TAMM41: variants seen among roughly 807,000 people sequenced by gnomAD.
TAMM41 encodes phosphatidate cytidylyltransferase, mitochondrial.
A neutral mutation model predicts 44.1 loss-of-function variants in TAMM41; 36 were observed. That is an observed-to-expected ratio of 0.82 (90% confidence interval 0.63 to 1.08). TAMM41 has a LOEUF of 1.08. TAMM41 is among the 50% of genes least tolerant of loss of function. TAMM41 has a pLI of 0.00. For missense variants in TAMM41, 417 were observed against 404.3 expected (o/e 1.03, Z -0.27); for synonymous variants, 164 against 153.1 (o/e 1.07, Z -0.53).
intron 3 of TAMM41, among the ~76,000 whole-genome samples, chr3:11,834,234 C>T (rs1274584580): frequency 2.0e-5 from 3 of 151,962 alleles, no homozygotes; most frequent in African/African-American, 4.8e-5. Context: ...AACACTCTGT[C>T]TCAAAAATAA....
At chr3:11,769,415 A>G in the TAMM41 span, among the ~76,000 whole-genome samples, 1 of 148,292 alleles carries the variant, frequency 6.7e-6, no homozygotes, top group Non-Finnish European at 1.5e-5. Context: ...GAGGTTTAAG[A>G]GATCACTCAC....
chr3:11,789,600 G>C (rs1164462092), downstream of TAMM41, among the ~76,000 whole-genome samples: 1 of 152,220 alleles, frequency 6.6e-6, no homozygotes, highest in Non-Finnish European at 1.5e-5. Context: ...TCAGGCCTGA[G>C]CCTATCAGCT....
chr3:11,780,960 C>G, the TAMM41 span, among the ~76,000 whole-genome samples: 292 of 152,282 alleles, frequency 1.9e-3, 1 homozygote, highest in African/African-American at 6.6e-3. Flanking sequence ...TTTATCTTCT[C>G]TATTTGATTT....
the TAMM41 span, among the ~76,000 whole-genome samples, chr3:11,736,010 G>A: frequency 3.0e-4 from 46 of 152,230 alleles, no homozygotes; most frequent in South Asian, 9.5e-3. Context: ...AAGCAAAGGG[G>A]TTTTCTCCAA....
chr3:11,757,199 A>G, the TAMM41 span, among the ~76,000 whole-genome samples: 1 of 152,190 alleles, frequency 6.6e-6, no homozygotes, highest in Non-Finnish European at 1.5e-5. Context: ...TTCTTCTTTC[A>G]AGGAGCACGG....
At chr3:11,770,818 A>G in the TAMM41 span, among the ~76,000 whole-genome samples, 2 of 152,290 alleles carry the variant, frequency 1.3e-5, no homozygotes, top group East Asian at 3.9e-4. Flanking sequence ...AGTCTTCAAG[A>G]TAGTGAAAAC....
the TAMM41 span, among the ~76,000 whole-genome samples, chr3:11,777,843 C>T: frequency 0.19 from 28,193 of 151,754 alleles, 2,731 homozygotes; most frequent in East Asian, 0.21. Flanking sequence ...AGAGTTGTAC[C>T]GCCATCATAC....
chr3:11,772,644 C>T, the TAMM41 span, among the ~76,000 whole-genome samples: 1 of 152,088 alleles, frequency 6.6e-6, no homozygotes, highest in African/African-American at 2.4e-5. Context: ...CTGTCATAAA[C>T]ACATGAGTGC....
chr3:11,786,748 G>A (rs1363460608), downstream of TAMM41, among the ~76,000 whole-genome samples: 3 of 152,032 alleles, frequency 2.0e-5, no homozygotes, highest in African/African-American at 7.2e-5. Flanking sequence ...CTACAGGTGT[G>A]TGCTACCATA....
At chr3:11,845,307 G>A (rs191641576) in intron 1 of TAMM41, among the ~76,000 whole-genome samples, 6 of 152,290 alleles carry the variant, frequency 3.9e-5, no homozygotes, top group Admixed American at 3.3e-4. Context: ...TGAGAAAGAT[G>A]TAGGTGTTGG....
At chr3:11,734,122 A>G in the TAMM41 span, among the ~76,000 whole-genome samples, 8,824 of 152,234 alleles carry the variant, frequency 0.058, 882 homozygotes, top group African/African-American at 0.2. Flanking sequence ...GCCACTTCCC[A>G]TCACCGGCTC....
chr3:11,787,340 C>T (rs1007672045), downstream of TAMM41, among the ~76,000 whole-genome samples: 5 of 152,184 alleles, frequency 3.3e-5, no homozygotes, highest in East Asian at 1.9e-4. Context: ...TTTGAAACCG[C>T]TACAGGGAGC....
At chr3:11,730,775 G>A in the TAMM41 span, among the ~76,000 whole-genome samples, 4 of 151,978 alleles carry the variant, frequency 2.6e-5, no homozygotes, top group Non-Finnish European at 5.9e-5. Context: ...AAAAAAAATT[G>A]TATCTACCTT....
intron 4 of TAMM41, among the ~76,000 whole-genome samples, chr3:11,819,685 A>T (rs761602931): frequency 6.6e-6 from 1 of 152,202 alleles, no homozygotes; most frequent in Non-Finnish European, 1.5e-5. Context: ...GTTTGAGCTC[A>T]GGAGTTCGAG....
chr3:11,821,316 T>C (rs569663309), intron 4 of TAMM41, among the ~76,000 whole-genome samples: 89 of 152,216 alleles, frequency 5.8e-4, no homozygotes, highest in Non-Finnish European at 1.0e-3. Flanking sequence ...CCTGAGATTA[T>C]TTTCCTGCAA....
Position 11,807,366 on chromosome 3 carries a change from T to C in TAMM41, c.937+467A>G, listed in dbSNP as rs184298860. On this transcript the variant is annotated intron_variant, in intron 7 of 7. Coordinates refer to ENST00000455809, the MANE Select transcript of TAMM41 (RefSeq NM_001284401.2). ...CTAACCTCCCATAGAGAGAAGTCAA[T>C]AGATGATACCTAAAGTTGAAACGTA... 3.4e-5 allele frequency: 51 copies of C among 1,493,318 alleles called. No individual in the cohort carries two copies. In the African/African-American group the frequency reaches 6.3e-4, roughly 18 times the overall value. 92.5% of individuals were successfully genotyped at this position (1,493,318 alleles called of 1,614,324 possible). A position where few individuals can be genotyped will look rare whatever the true frequency, so the allele number is the denominator to read the frequency against.
At chr3:11,825,614 G>C (rs906137268) in intron 4 of TAMM41, among the ~76,000 whole-genome samples, 1 of 152,074 alleles carries the variant, frequency 6.6e-6, no homozygotes, top group Admixed American at 6.6e-5. Context: ...TCACTGCTTC[G>C]TCTTATTCCT....
rs1392316535 is a variant in TAMM41, at chr3:11,846,777, A to G, written c.-141T>C. 1.8e-6 allele frequency: 2 copies of G among 1,085,574 alleles called. No homozygotes were observed. The highest frequency in any genetic ancestry group is 4.4e-5 in the Admixed American group (2 of 45,792). The allele number at this position is 1,085,574 out of a possible 1,614,324, so 67.2% of individuals were successfully genotyped here. On this transcript the variant is annotated 5_prime_UTR_variant, in exon 1 of 8. Coordinates refer to ENST00000455809, the MANE Select transcript of TAMM41 (RefSeq NM_001284401.2). The stretch of plus-strand genomic sequence containing the variant: ...GACACAAGGCTGAGTGTGGGGTGGG[A>G]CTGCAAGCACACGCAAGGATTGGGG...
the TAMM41 span, among the ~76,000 whole-genome samples, chr3:11,728,956 C>T: frequency 1.1e-4 from 16 of 149,660 alleles, no homozygotes; most frequent in East Asian, 2.0e-4. Flanking sequence ...TGCAGTGAGC[C>T]GAGATCGCGC....
Sources: allele counts gnomAD v4.1 joint callset (sites outside exome capture counted in the v4.1 genomes callset), GRCh38; gene constraint gnomAD v4.1.1; transcripts MANE v1.5; gene names NCBI Gene and HGNC (gene_info 2026-07-23, HGNC 2026-07-21).